PRMT9: variants seen among roughly 807,000 people sequenced by gnomAD.
PRMT9 encodes protein arginine N-methyltransferase 9.
Under a neutral mutation model 83.2 loss-of-function variants are expected in PRMT9, and 59 were observed. The observed-to-expected ratio is 0.71, with a 90% CI of 0.57 to 0.88. The LOEUF (loss-of-function observed/expected upper bound fraction) is 0.88. Among genes scored for constraint, PRMT9 ranks in the 40% least tolerant of loss-of-function variants. The pLI is 0.00. For synonymous variants in PRMT9, 333 were observed against 353.2 expected, an observed-to-expected ratio of 0.94 and a Z score of 0.64; for missense variants, 947 against 1,021.9, an observed-to-expected ratio of 0.93 and a Z score of 1.00.
Position 147,657,923 on chromosome 4 carries a change from A to G in PRMT9, c.1199T>C (p.Ile400Thr), listed in dbSNP as rs1181471663. Residue 400 changes from isoleucine (I) to threonine (T), a missense_variant, in exon 8 of 12, where the codon ATT becomes ACT. Coordinates refer to ENST00000322396, the MANE Select transcript of PRMT9 (RefSeq NM_138364.4). ...KKPDKIGIPV[I>T]KEGILDAIMV... The stretch of plus-strand genomic sequence containing the variant: ...AATAGCATCTAGTATGCCTTCTTTA[A>G]TAACAGGAATACCAATCTTATCAGG... 1 of 1,605,102 alleles carries G rather than the reference A, an allele frequency of 6.2e-7. No homozygotes were observed. The highest frequency in any genetic ancestry group is 1.1e-5 in the South Asian group (1 of 90,542).
intron 4 of PRMT9, among the ~76,000 whole-genome samples, chr4:147,672,487 A>AT (rs1735801050): frequency 6.6e-6 from 1 of 152,274 alleles, no homozygotes; most frequent in South Asian, 2.1e-4. Flanking sequence ...GCCAAGACTT[A>AT]TATGACTTAT....
chr4:147,679,813 G>A (rs1365150789), intron 2 of PRMT9, among the ~76,000 whole-genome samples: 3 of 152,192 alleles, frequency 2.0e-5, no homozygotes, highest in African/African-American at 7.2e-5. Context: ...CACAGGGCTT[G>A]TCTAGCACCA....
chr4:147,651,676 A>G (rs1300658416), intron 9 of PRMT9, among the ~76,000 whole-genome samples: 1 of 152,238 alleles, frequency 6.6e-6, no homozygotes, highest in Non-Finnish European at 1.5e-5. Flanking sequence ...TACAACATGG[A>G]TGAACCTTGA....
At chr4:147,652,728 A>T (rs1161949106) in intron 9 of PRMT9, among the ~76,000 whole-genome samples, 1 of 14,222 alleles carries the variant, frequency 7.0e-5, no homozygotes, top group East Asian at 5.5e-3. Flanking sequence ...AAAAAACGAA[A>T]AAACAAAAAA....
In PRMT9 at chr4:147,657,804, G is replaced by A. The variant is rs142189908; in HGVS notation, c.1318C>T (p.Gln440Ter). Residue 440 changes from glutamine to a stop codon, truncating the protein, a stop_gained, in exon 8 of 12, where the codon CAG (glutamine) becomes TAG (stop). Transcript: ENST00000322396. LOFTEE classifies it high-confidence loss of function. ...TCWEQAVYPVQDLADYWIKPG... is the reference protein window; with the variant it reads ...TCWEQAVYPV Reference sequence around the variant, plus strand: ...GGACAAGACCTACCTGCAAGGTCCTGTACGGGGTAGACAGCCTGTTCCCAA... The same window carrying A: ...GGACAAGACCTACCTGCAAGGTCCTATACGGGGTAGACAGCCTGTTCCCAA... 11 of 1,611,620 alleles carry A rather than the reference G, an allele frequency of 6.8e-6. No homozygotes were observed. The African/African-American group carries it at 1.5e-4, about 22-fold the overall frequency.
intron 2 of PRMT9, among the ~76,000 whole-genome samples, chr4:147,679,802 G>A (rs977474847): frequency 1.3e-5 from 2 of 152,166 alleles, no homozygotes; most frequent in Non-Finnish European, 2.9e-5. Flanking sequence ...TTTGCTTCCT[G>A]CACAGGGCTT....
intron 1 of PRMT9, among the ~76,000 whole-genome samples, chr4:147,682,528 T>G (rs1578950331): frequency 6.6e-6 from 1 of 151,952 alleles, no homozygotes; most frequent in African/African-American, 2.4e-5. Flanking sequence ...GCCAGGCTGG[T>G]CTCAAACTCC....
chr4:147,654,680 A>G (rs1734365995), intron 8 of PRMT9, 114 bp from the exon 9 acceptor site: 5 of 709,762 alleles, frequency 7.0e-6, no homozygotes, highest in South Asian at 5.0e-5. Flanking sequence ...TATAGAAAGG[A>G]TTACAAATAC....
chr4:147,654,626 T>C (rs1247821376), intron 8 of PRMT9, 60 bp from the exon 9 acceptor site: 1 of 1,052,560 alleles, frequency 9.5e-7, no homozygotes, highest in Non-Finnish European at 1.5e-6. Context: ...GAGGATCACA[T>C]AAACATCTCC....
intron 9 of PRMT9, among the ~76,000 whole-genome samples, chr4:147,646,700 C>T (rs974069434): frequency 6.6e-6 from 1 of 151,898 alleles, no homozygotes; most frequent in Non-Finnish European, 1.5e-5. Flanking sequence ...GTTCCCACCC[C>T]AAAAAAATTC....
intron 10 of PRMT9, 151 bp downstream of exon 10, chr4:147,642,636 G>A (rs1225689126): frequency 1.4e-6 from 1 of 708,706 alleles, no homozygotes; most frequent in Non-Finnish European, 2.4e-6. Flanking sequence ...CTTTGTTCTA[G>A]GAACTTATTA....
chr4:147,684,082 T>A lies in PRMT9; in HGVS notation c.-95A>T. ...ACACTTCCAGGGACCAGACAACTGC[T>A]CAAAAAACAGCACAGCAAAGTTACC... On this transcript the variant is annotated 5_prime_UTR_variant, in exon 1 of 12. Coordinates refer to ENST00000322396, the MANE Select transcript of PRMT9 (RefSeq NM_138364.4). 1 of 1,351,128 alleles carries A rather than the reference T, an allele frequency of 7.4e-7. No homozygotes were observed. Among genetic ancestry groups the A allele is most frequent in the Non-Finnish European group, 1.0e-6 (1 of 972,986 alleles). The allele number at this position is 1,351,128 out of a possible 1,614,324, so 83.7% of individuals were successfully genotyped here. A position where few individuals can be genotyped will look rare whatever the true frequency, so the allele number is the denominator to read the frequency against.
chr4:147,652,736 A>C (rs1387139689), intron 9 of PRMT9, among the ~76,000 whole-genome samples: 2 of 151,890 alleles, frequency 1.3e-5, no homozygotes, highest in Admixed American at 6.6e-5. Flanking sequence ...AAAAAACAAA[A>C]AAAAAAAATC....
chr4:147,670,374 T>C (rs1735646965), intron 5 of PRMT9, among the ~76,000 whole-genome samples: 1 of 151,952 alleles, frequency 6.6e-6, no homozygotes, highest in Admixed American at 6.6e-5. Context: ...AGATGGGGTT[T>C]CTCCATGTTG....
At chr4:147,677,374 C>T (rs1385186639) in intron 2 of PRMT9, among the ~76,000 whole-genome samples, 1 of 151,364 alleles carries the variant, frequency 6.6e-6, no homozygotes, top group Non-Finnish European at 1.5e-5. Flanking sequence ...AAAAAACTCA[C>T]TACTACTTTG....
intron 7 of PRMT9, among the ~76,000 whole-genome samples, chr4:147,660,571 A>G (rs1200094448): frequency 2.0e-5 from 3 of 152,198 alleles, no homozygotes; most frequent in Non-Finnish European, 4.4e-5. Flanking sequence ...TCGAGGCTGC[A>G]GTGAGCCGAG....
At chr4:147,655,326 C>A (rs1185389992) in intron 8 of PRMT9, among the ~76,000 whole-genome samples, 2 of 151,730 alleles carry the variant, frequency 1.3e-5, no homozygotes, top group Non-Finnish European at 1.5e-5. Context: ...CCAGGCCCAG[C>A]TATTTTTTTT....
In PRMT9 at chr4:147,673,665, T is replaced by A; in HGVS notation, c.548A>T (p.Asp183Val). ...AVCLGSKSVLDIGAGTGILSM... is the reference protein window; with the variant it reads ...AVCLGSKSVLVIGAGTGILSM... ...TAGTATTCCAGTTCCTGCTCCAATG[T>A]CCAAAACACTTTTGGACCCCAAACA... The change falls in exon 3 of 12, where the codon GAC (aspartate) becomes GTC (valine). Residue 183 changes from aspartate (D) to valine (V), a missense_variant. By Grantham distance (152) the Asp-to-Val change is radical (BLOSUM62 -3). Coordinates refer to ENST00000322396, the MANE Select transcript of PRMT9 (RefSeq NM_138364.4). The A allele has an allele frequency of 6.2e-7, 1 of 1,612,816 alleles. No homozygotes were observed. The highest frequency in any genetic ancestry group is 8.5e-7 in the Non-Finnish European group (1 of 1,178,838).
chr4:147,653,515 C>T (rs532146041), intron 9 of PRMT9, among the ~76,000 whole-genome samples: 20 of 151,504 alleles, frequency 1.3e-4, no homozygotes, highest in Admixed American at 1.3e-3. Context: ...CCAAAAGGAA[C>T]CAGAGTCCCT....
Sources: gnomAD v4.1 joint callset for allele counts (sites outside exome capture counted in the v4.1 genomes callset) on GRCh38, gnomAD v4.1.1 for gene constraint, MANE v1.5 for transcripts, NCBI Gene and HGNC (gene_info 2026-07-23, HGNC 2026-07-21) for gene names.